PATJ: variants seen among roughly 807,000 people sequenced by gnomAD.
PATJ encodes the protein inaD-like protein.
Under a neutral mutation model 224.9 loss-of-function variants are expected in PATJ, and 190 were observed. The observed-to-expected ratio is 0.84, with a 90% CI of 0.75 to 0.95. The LOEUF (loss-of-function observed/expected upper bound fraction) is 0.95, where lower values mean the gene tolerates loss of function less well. PATJ is among the 40% of genes least tolerant of loss of function. The probability of loss-of-function intolerance (pLI) is 0.00; values close to 1 mark genes in which losing one functional copy is unlikely to be tolerated. For missense variants in PATJ, 2,121 were observed against 2,270.3 expected, an observed-to-expected ratio of 0.93 and a Z score of 1.34; for synonymous variants, 769 against 820.3, an observed-to-expected ratio of 0.94 and a Z score of 1.07.
At chr1:62,035,486 G>A (rs1328704922) in intron 29 of PATJ, among the ~76,000 whole-genome samples, 2 of 152,172 alleles carry the variant, frequency 1.3e-5, no homozygotes, top group African/African-American at 2.4e-5. Flanking sequence ...CTGAGACTCT[G>A]AGAAGTGATT....
chr1:61,752,812 T>C (rs1645410352), intron 1 of PATJ, among the ~76,000 whole-genome samples: 1 of 152,066 alleles, frequency 6.6e-6, no homozygotes, highest in Non-Finnish European at 1.5e-5. Context: ...AGGATTGTTC[T>C]GGAATTTATA....
At chr1:61,906,809 A>C (rs549131316) in intron 24 of PATJ, among the ~76,000 whole-genome samples, 182 of 152,058 alleles carry the variant, frequency 1.2e-3, no homozygotes, top group Admixed American at 2.2e-3. Context: ...ATGAGCAGCC[A>C]CTCAAGCGGT....
chr1:62,023,290 C>CA lies in PATJ; in HGVS notation c.3959+5359dup, dbSNP rs10600520. 4.1e-3 allele frequency among the ~76,000 whole-genome samples: 433 copies of CA among 104,994 alleles called. 3 individuals are homozygous for CA. The highest frequency in any genetic ancestry group is 9.7e-3 in the Middle Eastern group (2 of 206). 68.9% of individuals were successfully genotyped at this position (104,994 alleles called of 152,430 possible). A position where few individuals can be genotyped will look rare whatever the true frequency, so the allele number is the denominator to read the frequency against. Reference sequence around the variant, plus strand: ...GGGCAAAAAGAGTGAAAGTCCATCTCAAAAAAAAAAAAAAAATCCTTCTTG... The same window carrying CA: ...GGGCAAAAAGAGTGAAAGTCCATCTCAAAAAAAAAAAAAAAAATCCTTCTTG... On this transcript the variant is annotated intron_variant, in intron 29 of 43. Coordinates refer to ENST00000642238, the MANE Select transcript of PATJ (RefSeq NM_001350145.3).
chr1:62,144,834 T>C (rs1375031849), intron 41 of PATJ, among the ~76,000 whole-genome samples: 1 of 146,498 alleles, frequency 6.8e-6, no homozygotes, highest in East Asian at 2.2e-4. Flanking sequence ...CTACTATACC[T>C]TTGTTTTTGT....
At chr1:62,154,092 C>T (rs374404198) in intron 43 of PATJ, among the ~76,000 whole-genome samples, 2 of 151,992 alleles carry the variant, frequency 1.3e-5, no homozygotes, top group South Asian at 2.1e-4. Context: ...GACGGGGTTT[C>T]GCCATGTTGC....
intron 14 of PATJ, among the ~76,000 whole-genome samples, chr1:61,813,360 TATATATATATATATATATAC>T (rs1356060067): frequency 1.1e-4 from 6 of 54,036 alleles, no homozygotes; most frequent in African/African-American, 1.5e-4. Flanking sequence ...TATATATATA[TATATATATATATATATATAC>T]ACACACACAC....
intron 43 of PATJ, among the ~76,000 whole-genome samples, chr1:62,160,705 A>G (rs1362402159): frequency 6.6e-6 from 1 of 152,248 alleles, no homozygotes; most frequent in African/African-American, 2.4e-5. Flanking sequence ...ATCCATAATT[A>G]TAGTTACTAT....
intron 27 of PATJ, among the ~76,000 whole-genome samples, chr1:61,987,835 C>T (rs1644846110): frequency 6.6e-6 from 1 of 152,192 alleles, no homozygotes; most frequent in South Asian, 2.1e-4. Context: ...ATACCTTACT[C>T]AAGACTCTGC....
chr1:61,981,977 A>T (rs1644476725), intron 27 of PATJ, among the ~76,000 whole-genome samples: 1 of 151,934 alleles, frequency 6.6e-6, no homozygotes, highest in Non-Finnish European at 1.5e-5. Context: ...CCTTGTTGCG[A>T]TTCTTGTGCA....
chr1:61,944,179 C>T (rs892511791), intron 27 of PATJ, among the ~76,000 whole-genome samples: 2 of 152,154 alleles, frequency 1.3e-5, no homozygotes, highest in African/African-American at 4.8e-5. Flanking sequence ...TCCAAAGAAA[C>T]GCAGCTCCTC....
intron 21 of PATJ, among the ~76,000 whole-genome samples, chr1:61,880,115 C>T (rs1178245005): frequency 3.9e-5 from 6 of 152,226 alleles, no homozygotes; most frequent in African/African-American, 1.4e-4. Context: ...TGAGCCACCA[C>T]ACCCGACCAG....
chr1:62,011,761 G>A (rs1646466343), intron 28 of PATJ, among the ~76,000 whole-genome samples: 1 of 151,326 alleles, frequency 6.6e-6, no homozygotes, highest in Non-Finnish European at 1.5e-5. Context: ...CCTATATACT[G>A]AAAAAAGTGT....
chr1:62,122,051 G>GA (rs1665124231), intron 38 of PATJ, among the ~76,000 whole-genome samples: 1 of 151,726 alleles, frequency 6.6e-6, no homozygotes, highest in African/African-American at 2.4e-5. Context: ...GATTAAGGTA[G>GA]AAAAAAATGT....
intron 9 of PATJ, among the ~76,000 whole-genome samples, chr1:61,793,340 G>A (rs1650294158): frequency 6.6e-6 from 1 of 152,204 alleles, no homozygotes; most frequent in South Asian, 2.1e-4. Context: ...CGGCATTTGA[G>A]CTATGAATGG....
At chr1:61,852,606 T>C (rs1163557814) in intron 17 of PATJ, 1 of 152,264 alleles carries the variant, frequency 6.6e-6, no homozygotes, top group Non-Finnish European at 1.5e-5. Context: ...TATATTTATC[T>C]ATGTAAATAT....
At chr1:62,002,348 C>T (rs1295577138) in intron 28 of PATJ, among the ~76,000 whole-genome samples, 2 of 152,166 alleles carry the variant, frequency 1.3e-5, no homozygotes, top group Non-Finnish European at 2.9e-5. Context: ...TAAAAGCTAT[C>T]AACTGTATAT....
intron 26 of PATJ, among the ~76,000 whole-genome samples, chr1:61,915,489 A>G (rs184001925): frequency 1.4e-4 from 22 of 151,892 alleles, no homozygotes; most frequent in African/African-American, 4.3e-4. Context: ...TATCATTTTT[A>G]TTTTCCATAT....
intron 29 of PATJ, among the ~76,000 whole-genome samples, chr1:62,033,704 C>A (rs1222464325): frequency 6.6e-6 from 1 of 152,142 alleles, no homozygotes; most frequent in Non-Finnish European, 1.5e-5. Context: ...TGATAGCTGG[C>A]CGACTACAGG....
intron 27 of PATJ, among the ~76,000 whole-genome samples, chr1:61,936,824 G>A (rs965744939): frequency 2.0e-5 from 3 of 151,958 alleles, no homozygotes; most frequent in East Asian, 1.9e-4. Flanking sequence ...TGCCCACGTC[G>A]GCCTCCTTTC....
Sources: allele counts gnomAD v4.1 joint callset (sites outside exome capture counted in the v4.1 genomes callset), GRCh38; gene constraint gnomAD v4.1.1; transcripts MANE v1.5; gene names NCBI Gene and HGNC (gene_info 2026-07-23, HGNC 2026-07-21).